PRDM6: variants seen among roughly 807,000 people sequenced by gnomAD.
PRDM6 encodes the protein PR/SET domain 6, also known as putative histone-lysine N-methyltransferase PRDM6.
PRDM6 carries 25 observed loss-of-function variants against 60.8 expected under a neutral mutation model. The observed-to-expected ratio is 0.41, with a 90% CI of 0.30 to 0.57. The LOEUF (loss-of-function observed/expected upper bound fraction) is 0.57. Among genes scored for constraint, PRDM6 ranks in the 20% least tolerant of loss-of-function variants. The pLI, the probability that PRDM6 is intolerant of heterozygous loss-of-function variation, is 0.27. For missense variants in PRDM6, 839 were observed against 821.3 expected, an observed-to-expected ratio of 1.02 and a Z score of -0.26; for synonymous variants, 407 against 357.4, an observed-to-expected ratio of 1.14 and a Z score of -1.57.
intron 7 of PRDM6, among the ~76,000 whole-genome samples, chr5:123,185,685 G>A (rs1028973387): frequency 6.6e-6 from 1 of 152,206 alleles, no homozygotes; most frequent in African/African-American, 2.4e-5. Flanking sequence ...CTCCGCTGGT[G>A]CAGGAGCCCT....
chr5:123,109,551 TTAAG>T lies in PRDM6; in HGVS notation c.900+9594_900+9597del, dbSNP rs138710465. 5.7e-3 allele frequency among the ~76,000 whole-genome samples: 869 copies of T among 152,308 alleles called. 4 individuals are homozygous for T. Among genetic ancestry groups the T allele is most frequent in the Middle Eastern group, 0.027 (8 of 294 alleles). On this transcript the variant is annotated intron_variant, in intron 3 of 7. Coordinates refer to ENST00000407847, the MANE Select transcript of PRDM6 (RefSeq NM_001136239.4). The stretch of plus-strand genomic sequence containing the variant: ...TTAATTACTTACTAAAAACTCAAGT[TTAAG>T]TAATATTTCAGTGTAAATTTACTTA...
intron 3 of PRDM6, among the ~76,000 whole-genome samples, chr5:123,112,782 T>A (rs1764341353): frequency 1.2e-5 from 1 of 82,486 alleles, no homozygotes; most frequent in East Asian, 5.0e-4. Flanking sequence ...CTCTAATGGC[T>A]CTTTTTTTTT....
intron 5 of PRDM6, among the ~76,000 whole-genome samples, chr5:123,167,266 C>CCGG: frequency 6.6e-6 from 1 of 152,094 alleles, no homozygotes; most frequent in Non-Finnish European, 1.5e-5. Context: ...TTCTACCAAA[C>CCGG]TGTAAATTTC....
At chr5:123,172,422 G>A (rs1178793898) in intron 6 of PRDM6, among the ~76,000 whole-genome samples, 6 of 152,090 alleles carry the variant, frequency 3.9e-5, no homozygotes, top group Non-Finnish European at 1.5e-5. Context: ...TTCAATAGGC[G>A]AGCCCCCTGG....
At chr5:123,144,528 G>A (rs923235119) in intron 3 of PRDM6, among the ~76,000 whole-genome samples, 2 of 152,050 alleles carry the variant, frequency 1.3e-5, no homozygotes, top group Admixed American at 6.5e-5. Flanking sequence ...GTGGGGGGAT[G>A]GTTTGAGGAG....
In PRDM6 at chr5:123,191,434, C is replaced by T. The variant is rs1228338931; in HGVS notation, c.*4233C>T. On this transcript the variant is annotated 3_prime_UTR_variant, in exon 8 of 8. Transcript: ENST00000407847. ...CTCATATTAAGGCTATGCATGCCTA[C>T]AGAAACCAGGCCAGGAATAAGAAAT... 1 of 152,122 alleles carries T rather than the reference C, an allele frequency of 6.6e-6. No homozygotes were observed. The highest frequency in any genetic ancestry group is 1.5e-5 in the Non-Finnish European group (1 of 68,024). 9.4% of individuals were successfully genotyped at this position (152,122 alleles called of 1,614,324 possible).
intron 3 of PRDM6, among the ~76,000 whole-genome samples, chr5:123,105,819 G>A (rs1270542233): frequency 2.0e-5 from 3 of 152,198 alleles, no homozygotes; most frequent in Admixed American, 2.0e-4. Flanking sequence ...AGAAGCCAGA[G>A]CAGAATATAC....
At chr5:123,147,456 G>A (rs944791601) in intron 3 of PRDM6, among the ~76,000 whole-genome samples, 1 of 152,310 alleles carries the variant, frequency 6.6e-6, no homozygotes, top group Admixed American at 6.5e-5. Flanking sequence ...ACGGAGAAGA[G>A]GGAAAAAGAT....
Position 123,091,248 on chromosome 5 carries a change from G to GA in PRDM6, c.592+651dup, listed in dbSNP as rs200647159. On this transcript the variant is annotated intron_variant, in intron 2 of 7. Coordinates refer to ENST00000407847, the MANE Select transcript of PRDM6 (RefSeq NM_001136239.4). The stretch of plus-strand genomic sequence containing the variant: ...ACTATTCATTTAAAAAGAAGGAAAA[G>GA]AAAAAAAAATGACTGCTACTTACTG... Among the ~76,000 whole-genome samples, 37 of 150,832 alleles carry GA rather than the reference G, an allele frequency of 2.5e-4. 1 individual carries two copies. Among genetic ancestry groups the GA allele is most frequent in the East Asian group, 3.9e-4 (2 of 5,132 alleles).
chr5:123,160,996 C>T (rs900140888), intron 5 of PRDM6, among the ~76,000 whole-genome samples: 3 of 152,206 alleles, frequency 2.0e-5, no homozygotes, highest in Non-Finnish European at 4.4e-5. Flanking sequence ...AGATCTTTAT[C>T]TATGCACAGA....
intron 4 of PRDM6, among the ~76,000 whole-genome samples, chr5:123,158,165 A>C (rs534347832): frequency 3.9e-5 from 6 of 152,368 alleles, no homozygotes; most frequent in African/African-American, 1.4e-4. Context: ...ATTTGGTTTT[A>C]GCACATTCAT....
intron 3 of PRDM6, among the ~76,000 whole-genome samples, chr5:123,129,932 C>A (rs1340286427): frequency 6.6e-6 from 1 of 152,102 alleles, no homozygotes; most frequent in Non-Finnish European, 1.5e-5. Context: ...GGCAGCTTGC[C>A]TGCCTGCCTG....
intron 3 of PRDM6, among the ~76,000 whole-genome samples, chr5:123,142,208 G>T (rs773122151): frequency 1.3e-5 from 2 of 152,100 alleles, no homozygotes; most frequent in African/African-American, 4.8e-5. Flanking sequence ...GGTTCCAACA[G>T]TCAAGTACTT....
intron 2 of PRDM6, among the ~76,000 whole-genome samples, chr5:123,095,726 G>C (rs920492215): frequency 1.3e-5 from 2 of 152,220 alleles, no homozygotes; most frequent in Non-Finnish European, 2.9e-5. Flanking sequence ...ATGCAGGGCG[G>C]GTGAGAGCCA....
chr5:123,181,021 A>T (rs557804596), intron 7 of PRDM6, among the ~76,000 whole-genome samples: 3 of 152,252 alleles, frequency 2.0e-5, no homozygotes, highest in African/African-American at 7.2e-5. Context: ...GTTTCTACAC[A>T]TGGCACACTT....
Position 123,109,806 on chromosome 5 carries a change from T to C in PRDM6, c.900+9845T>C, listed in dbSNP as rs141257377. On this transcript the variant is annotated intron_variant, in intron 3 of 7. Coordinates refer to ENST00000407847, the MANE Select transcript of PRDM6 (RefSeq NM_001136239.4). ...CACAACAAAGAACCAACTTGCAAGA[T>C]GAAAATGCGAGAATTACTCAGTAAC... Among the ~76,000 whole-genome samples the C allele has an allele frequency of 3.5e-4, 53 of 152,250 alleles. No homozygotes were observed. In the East Asian group the frequency reaches 9.1e-3, roughly 26 times the overall value.
At chr5:123,105,394 C>A (rs1764181064) in intron 3 of PRDM6, among the ~76,000 whole-genome samples, 1 of 152,178 alleles carries the variant, frequency 6.6e-6, no homozygotes, top group Non-Finnish European at 1.5e-5. Flanking sequence ...TAACACTGGT[C>A]CCAAGAAGCC....
intron 6 of PRDM6, among the ~76,000 whole-genome samples, chr5:123,171,443 T>C (rs956065691): frequency 6.6e-6 from 1 of 152,176 alleles, no homozygotes; most frequent in African/African-American, 2.4e-5. Context: ...CCAAAGATAA[T>C]ATAGCTGGCT....
At chr5:123,128,601 C>T (rs1452676869) in intron 3 of PRDM6, among the ~76,000 whole-genome samples, 2 of 152,160 alleles carry the variant, frequency 1.3e-5, no homozygotes, top group South Asian at 4.1e-4. Flanking sequence ...CCTTTGCCCA[C>T]TTGTTGATGG....
Sources: allele counts gnomAD v4.1 joint callset (sites outside exome capture counted in the v4.1 genomes callset), GRCh38; gene constraint gnomAD v4.1.1; transcripts MANE v1.5; gene names NCBI Gene and HGNC (gene_info 2026-07-23, HGNC 2026-07-21).